Variants in COL19A1 observed in about 807,000 individuals in gnomAD.
The protein encoded by COL19A1 is collagen type XIX alpha 1 chain.
In COL19A1, 159 loss-of-function variants were observed where a neutral mutation model predicts 190.2. That is an observed-to-expected ratio of 0.84 (90% CI 0.73 to 0.95). The LOEUF (loss-of-function observed/expected upper bound fraction) is 0.95. Among genes scored for constraint, COL19A1 ranks in the 40% least tolerant of loss-of-function variants. COL19A1 has a pLI of 0.00. For synonymous variants in COL19A1, 509 were observed against 458.9 expected (o/e 1.11, Z -1.39); for missense variants, 1,418 against 1,431.9 (o/e 0.99, Z 0.16).
At position 70,140,962 on chromosome 6, in the gene COL19A1, T is replaced by A; in HGVS notation, c.1455T>A (p.Pro485=). ...PKGQKGEPGE[P]FTKGEKGDRG... The stretch of plus-strand genomic sequence containing the variant: ...CTACCCCTTCTCCTTAGGGAGAGCC[T>A]TTTACAAAAGGAGAAAAAGGAGATA... Residue 485 remains proline (P), a synonymous_variant, in exon 20 of 51, where the codon CCT becomes CCA. Transcript: ENST00000620364. The A allele has an allele frequency of 6.2e-7, 1 of 1,609,842 alleles. No homozygotes were observed. Among genetic ancestry groups the A allele is most frequent in the Non-Finnish European group, 8.5e-7 (1 of 1,176,928 alleles).
At chr6:70,174,547 C>T (rs939566376) in intron 41 of COL19A1, among the ~76,000 whole-genome samples, 1 of 145,884 alleles carries the variant, frequency 6.9e-6, no homozygotes, top group African/African-American at 2.5e-5. Context: ...GTGATAGAGC[C>T]AGACTCCGTC....
chr6:69,909,654 C>T (rs1166000479), intron 4 of COL19A1, among the ~76,000 whole-genome samples: 1 of 151,964 alleles, frequency 6.6e-6, no homozygotes, highest in East Asian at 1.9e-4. Flanking sequence ...ATGAGTAAAA[C>T]ATTGACAACC....
chr6:70,007,231 A>G (rs1436278785), intron 11 of COL19A1, among the ~76,000 whole-genome samples: 2 of 152,112 alleles, frequency 1.3e-5, no homozygotes, highest in South Asian at 4.1e-4. Flanking sequence ...TATTTGCCAT[A>G]TCAATAATTA....
chr6:70,186,540 G>A (rs1183200131), intron 46 of COL19A1, among the ~76,000 whole-genome samples: 2 of 152,108 alleles, frequency 1.3e-5, no homozygotes, highest in South Asian at 2.1e-4. Flanking sequence ...TAATTTTTAA[G>A]TCAAGAGAAA....
chr6:69,972,818 A>G (rs1183297286), intron 11 of COL19A1, among the ~76,000 whole-genome samples: 1 of 152,232 alleles, frequency 6.6e-6, no homozygotes, highest in Non-Finnish European at 1.5e-5. Context: ...TCATAATTCT[A>G]TAAAATAAAA....
At chr6:70,110,040 A>G (rs895644180) in intron 16 of COL19A1, among the ~76,000 whole-genome samples, 4 of 152,176 alleles carry the variant, frequency 2.6e-5, no homozygotes, top group African/African-American at 7.2e-5. Flanking sequence ...CTGAAAACTG[A>G]AAGGAAAGTT....
chr6:70,160,894 A>T (rs902416221), intron 34 of COL19A1, among the ~76,000 whole-genome samples: 4 of 152,172 alleles, frequency 2.6e-5, no homozygotes, highest in African/African-American at 9.7e-5. Context: ...CATGTTTTCT[A>T]ACTTTTTTAA....
chr6:69,924,813 G>C (rs933030329), intron 4 of COL19A1, among the ~76,000 whole-genome samples: 1 of 152,134 alleles, frequency 6.6e-6, no homozygotes, highest in African/African-American at 2.4e-5. Context: ...TTGTGGTTTT[G>C]ATTTGCATTT....
intron 9 of COL19A1, 76 bp downstream of exon 9, chr6:69,938,176 T>C (rs1773232267): frequency 7.3e-7 from 1 of 1,369,200 alleles, no homozygotes; most frequent in South Asian, 1.3e-5. Context: ...TCATCTCATT[T>C]TTCTTTATTC....
At chr6:70,117,294 G>T (rs1049932405) in intron 16 of COL19A1, among the ~76,000 whole-genome samples, 6 of 152,198 alleles carry the variant, frequency 3.9e-5, no homozygotes, top group Non-Finnish European at 1.5e-5. Context: ...GCTAAGACTA[G>T]GACTAAGGAC....
At chr6:70,161,791 C>A (rs77555811) in intron 34 of COL19A1, 109 bp from the exon 35 acceptor site, 1 of 651,610 alleles carries the variant, frequency 1.5e-6, no homozygotes, top group Non-Finnish European at 2.5e-6. Context: ...TTATGTTTCT[C>A]GATTAGCTAA....
intron 35 of COL19A1, among the ~76,000 whole-genome samples, 159 bp downstream of exon 35, chr6:70,162,112 T>C (rs1397031751): frequency 6.6e-6 from 1 of 152,192 alleles, no homozygotes; most frequent in Non-Finnish European, 1.5e-5. Flanking sequence ...CAGATTTTCA[T>C]TTAGTATTAC....
intron 7 of COL19A1, among the ~76,000 whole-genome samples, chr6:69,935,777 G>C (rs1420702361): frequency 6.6e-6 from 1 of 151,634 alleles, no homozygotes; most frequent in Non-Finnish European, 1.5e-5. Flanking sequence ...GTGCAGGTTT[G>C]TTACATAGGT....
At chr6:70,063,361 C>A (rs919869331) in intron 14 of COL19A1, among the ~76,000 whole-genome samples, 2 of 152,174 alleles carry the variant, frequency 1.3e-5, no homozygotes, top group African/African-American at 4.8e-5. Flanking sequence ...GGAAACTGAA[C>A]AACCTGCTCC....
intron 7 of COL19A1, among the ~76,000 whole-genome samples, chr6:69,935,113 C>T (rs1773013711): frequency 6.6e-6 from 1 of 151,826 alleles, no homozygotes; most frequent in Non-Finnish European, 1.5e-5. Flanking sequence ...AGTTTCATGA[C>T]TCTAGATATA....
intron 2 of COL19A1, among the ~76,000 whole-genome samples, chr6:69,891,857 C>T (rs766249679): frequency 1.3e-5 from 2 of 152,172 alleles, no homozygotes; most frequent in Non-Finnish European, 2.9e-5. Context: ...TGCACTGTAC[C>T]TTTTAACTTC....
At chr6:69,940,228 C>T (rs970670958) in intron 9 of COL19A1, among the ~76,000 whole-genome samples, 6 of 152,072 alleles carry the variant, frequency 3.9e-5, no homozygotes, top group African/African-American at 1.4e-4. Flanking sequence ...CCTCGATTCC[C>T]TTTAATCATA....
At chr6:70,079,133 G>T (rs1782079445) in intron 15 of COL19A1, among the ~76,000 whole-genome samples, 1 of 152,166 alleles carries the variant, frequency 6.6e-6, no homozygotes, top group Admixed American at 6.5e-5. Context: ...AAAAACCAGT[G>T]AAATGGCTGA....
Position 70,144,941 on chromosome 6 carries a change from C to A in COL19A1, c.1704C>A (p.Gly568=), listed in dbSNP as rs1162202923. Residue 568 remains glycine (G), a synonymous_variant, in exon 25 of 51, where the codon GGC becomes GGA. Coordinates refer to ENST00000620364, the MANE Select transcript of COL19A1 (RefSeq NM_001858.6). ...GEKGDPGGII[G]PPGLPGPKGE... ...AGGGAGATCCGGGTGGGATCATAGGCCCTCCCGGGCTTCCAGGTCCAAAAG... is the reference window on the plus strand; with the variant it reads ...AGGGAGATCCGGGTGGGATCATAGGACCTCCCGGGCTTCCAGGTCCAAAAG... 6 of 1,585,772 alleles carry A rather than the reference C, an allele frequency of 3.8e-6. No individual in the cohort carries two copies. The highest frequency in any genetic ancestry group is 5.2e-6 in the Non-Finnish European group (6 of 1,164,066).
Sources: allele counts gnomAD v4.1 joint callset (sites outside exome capture counted in the v4.1 genomes callset), GRCh38; gene constraint gnomAD v4.1.1; transcripts MANE v1.5; gene names NCBI Gene and HGNC (gene_info 2026-07-23, HGNC 2026-07-21).